FUT8: variants seen among roughly 807,000 people sequenced by gnomAD.
FUT8 encodes fucosyltransferase 8.
In FUT8, 29 loss-of-function variants were observed where a neutral mutation model predicts 71.3. That is an observed-to-expected ratio of 0.41 (90% CI 0.30 to 0.55). The LOEUF (loss-of-function observed/expected upper bound fraction) is 0.55. Among genes scored for constraint, FUT8 ranks in the 20% least tolerant of loss-of-function variants. The pLI, the probability that FUT8 is intolerant of heterozygous loss-of-function variation, is 0.34. For synonymous variants in FUT8, 254 were observed against 239.3 expected, an observed-to-expected ratio of 1.06 and a Z score of -0.57; for missense variants, 544 against 702.1, an observed-to-expected ratio of 0.77 and a Z score of 2.55.
At chr14:65,461,975 T>TTTTGTGGC in intron 2 of FUT8, among the ~76,000 whole-genome samples, 1 of 152,222 alleles carries the variant, frequency 6.6e-6, no homozygotes, top group Non-Finnish European at 1.5e-5. Context: ...AGTTCTTTGA[T>TTTTGTGGC]ACTTTTTGTG....
chr14:65,494,456 T>C (rs934123399), intron 2 of FUT8, among the ~76,000 whole-genome samples: 7 of 152,170 alleles, frequency 4.6e-5, no homozygotes, highest in African/African-American at 1.4e-4. Context: ...AAAAAGTTTC[T>C]GATTGAATTA....
chr14:65,365,379 T>C, the FUT8 span, among the ~76,000 whole-genome samples: 43 of 151,258 alleles, frequency 2.8e-4, no homozygotes, highest in African/African-American at 9.7e-4. Flanking sequence ...TAACAAATAA[T>C]TATTGAGCAT....
At chr14:65,617,187 T>G in intron 5 of FUT8, 2 of 1,551,950 alleles carry the variant, frequency 1.3e-6, no homozygotes, top group South Asian at 2.5e-5. Context: ...AATTACCCCA[T>G]ACAAGTAAGA....
chr14:65,456,416 G>C (rs1323121014), intron 2 of FUT8, among the ~76,000 whole-genome samples: 1 of 152,122 alleles, frequency 6.6e-6, no homozygotes, highest in African/African-American at 2.4e-5. Flanking sequence ...CAGTAGTTGT[G>C]TATCAGTAGT....
chr14:65,405,935 C>A (rs1013036868), upstream of FUT8, among the ~76,000 whole-genome samples: 1 of 152,194 alleles, frequency 6.6e-6, no homozygotes, highest in African/African-American at 2.4e-5. Flanking sequence ...CCCTCTTGAC[C>A]AATTAGGTGT....
chr14:65,528,158 A>G lies in FUT8; in HGVS notation c.-227-33179A>G, dbSNP rs536594317. Among the ~76,000 whole-genome samples, 10 of 152,338 alleles carry G rather than the reference A, an allele frequency of 6.6e-5. No homozygotes were observed. The South Asian group carries it at 1.9e-3, about 28-fold the overall frequency. ...CCCTGTCCACAGAGGTGGAGTCTGC[A>G]GAGGCAGGCAGGCCTCCTTGAGCTG... On this transcript the variant is annotated intron_variant, in intron 2 of 10. Transcript: ENST00000673929.
chr14:65,662,752 G>A (rs1021035144), intron 6 of FUT8, among the ~76,000 whole-genome samples: 15 of 152,202 alleles, frequency 9.9e-5, no homozygotes, highest in African/African-American at 3.6e-4. Context: ...GGGAGAGGTT[G>A]TGTAGGGAGG....
chr14:65,582,437 T>C (rs1887143614), intron 3 of FUT8, among the ~76,000 whole-genome samples: 1 of 152,240 alleles, frequency 6.6e-6, no homozygotes, highest in South Asian at 2.1e-4. Context: ...GCCTTTATGC[T>C]GAACAACCCA....
In FUT8 at chr14:65,467,027, A is replaced by T. The variant is rs2066054915; in HGVS notation, c.-228+11309A>T. 6.6e-6 allele frequency among the ~76,000 whole-genome samples: 1 copy of T among 152,216 alleles called. No individual in the cohort carries two copies. The highest frequency in any genetic ancestry group is 6.5e-5 in the Admixed American group (1 of 15,288). ...ATCTGTTAGATGAATTAAGGATCAG[A>T]AAAACAAAAGATTTAGTTTTACCTT... On this transcript the variant is annotated intron_variant, in intron 2 of 10. Coordinates refer to ENST00000673929, the MANE Select transcript of FUT8 (RefSeq NM_001371533.1). The surrounding 1 kb of genome is among the most constrained non-coding windows in gnomAD (Gnocchi z 4.1).
the FUT8 span, among the ~76,000 whole-genome samples, chr14:65,361,517 G>T: frequency 6.6e-6 from 1 of 151,342 alleles, no homozygotes; most frequent in African/African-American, 2.4e-5. Context: ...GCCGGGTGCG[G>T]TGGCTTGCAC....
At chr14:65,398,452 A>G in the FUT8 span, among the ~76,000 whole-genome samples, 1 of 152,128 alleles carries the variant, frequency 6.6e-6, no homozygotes, top group African/African-American at 2.4e-5. Context: ...AAATTTTTTT[A>G]GGGCCAGGCA....
At chr14:65,665,888 C>T in intron 6 of FUT8, among the ~76,000 whole-genome samples, 1 of 151,966 alleles carries the variant, frequency 6.6e-6, no homozygotes, top group East Asian at 1.9e-4. Context: ...ATGAAGAGAA[C>T]ACATGGACAC....
rs2065181294 is a variant in FUT8, at chr14:65,413,950, G to A, written c.-326+736G>A. ...TTCAGAGACGCAGTGTATTTCTTAA[G>A]TGGCAGTGTCATGCTTAGGGTTTGT... On this transcript the variant is annotated intron_variant, in intron 1 of 10. Transcript: ENST00000673929. The surrounding 1 kb of genome is among the most constrained non-coding windows in gnomAD (Gnocchi z 4.1). Among the ~76,000 whole-genome samples the A allele has an allele frequency of 6.6e-6, 1 of 152,182 alleles. No individual in the cohort carries two copies. Among genetic ancestry groups the A allele is most frequent in the Admixed American group, 6.5e-5 (1 of 15,282 alleles).
chr14:65,383,933 G>A, the FUT8 span, among the ~76,000 whole-genome samples: 2 of 149,366 alleles, frequency 1.3e-5, no homozygotes, highest in African/African-American at 4.9e-5. Flanking sequence ...GTGCAAGTTG[G>A]AGCCATGGGA....
intron 5 of FUT8, among the ~76,000 whole-genome samples, chr14:65,618,014 T>C (rs1374136024): frequency 7.1e-5 from 2 of 28,040 alleles, no homozygotes; most frequent in Non-Finnish European, 1.2e-4. Context: ...TTAATTCATA[T>C]ATATATATAT....
At chr14:65,722,516 A>T (rs1032152912) in intron 8 of FUT8, among the ~76,000 whole-genome samples, 9 of 152,120 alleles carry the variant, frequency 5.9e-5, no homozygotes, top group African/African-American at 1.9e-4. Context: ...CTTAGTCTTC[A>T]TATGTAGAGG....
At chr14:65,473,795 T>A (rs563124042) in intron 2 of FUT8, among the ~76,000 whole-genome samples, 1 of 152,200 alleles carries the variant, frequency 6.6e-6, no homozygotes, top group African/African-American at 2.4e-5. Flanking sequence ...GGTCCAGCAA[T>A]TTAAGTGGAA....
At chr14:65,560,173 T>C (rs963287456) in intron 2 of FUT8, among the ~76,000 whole-genome samples, 8 of 152,086 alleles carry the variant, frequency 5.3e-5, no homozygotes, top group African/African-American at 1.9e-4. Context: ...TCTCCATCTT[T>C]TCTGCTCATC....
At chr14:65,418,629 TAGAG>T (rs1287687929) in intron 1 of FUT8, among the ~76,000 whole-genome samples, 5 of 152,174 alleles carry the variant, frequency 3.3e-5, no homozygotes, top group Non-Finnish European at 5.9e-5. Context: ...GAGAGGGAGA[TAGAG>T]AGAGGAGCAT....
Sources: gnomAD v4.1 joint callset for allele counts (sites outside exome capture counted in the v4.1 genomes callset) on GRCh38, gnomAD v4.1.1 for gene constraint, Gnocchi (gnomAD v3.1) non-coding constraint, MANE v1.5 for transcripts, NCBI Gene and HGNC (gene_info 2026-07-23, HGNC 2026-07-21) for gene names.